LRRC37A2: variants seen among roughly 807,000 people sequenced by gnomAD.
The protein encoded by LRRC37A2 is leucine-rich repeat-containing protein 37A2.
LRRC37A2 carries 9 observed loss-of-function variants against 68.8 expected under a neutral mutation model. The observed-to-expected ratio is 0.13, with a 90% CI of 0.08 to 0.23. The LOEUF is 0.23. Ranked by LOEUF, LRRC37A2 falls within the 10% of genes least tolerant of loss-of-function variation. The pLI, the probability that LRRC37A2 is intolerant of heterozygous loss-of-function variation, is 1.00. For missense variants in LRRC37A2, 168 were observed against 950.4 expected (o/e 0.18, Z 10.82); for synonymous variants, 63 against 367.6 (o/e 0.17, Z 9.48).
the LRRC37A2 span, among the ~76,000 whole-genome samples, chr17:46,878,979 CT>C: frequency 6.6e-6 from 1 of 152,210 alleles, no homozygotes; most frequent in Non-Finnish European, 1.5e-5. Context: ...CCAGTTACCC[CT>C]GAAGACCCAC....
the LRRC37A2 span, chr17:47,017,694 C>G: frequency 6.2e-7 from 1 of 1,610,984 alleles, no homozygotes; most frequent in African/African-American, 1.3e-5. Flanking sequence ...TGGAATTATA[C>G]GCCAATTATC....
At chr17:46,823,250 T>C in the LRRC37A2 span, among the ~76,000 whole-genome samples, 1 of 144,448 alleles carries the variant, frequency 6.9e-6, no homozygotes, top group Admixed American at 7.4e-5. Context: ...ATTTCATTCT[T>C]GTTGCCCAGG....
chr17:46,817,312 T>C, the LRRC37A2 span, among the ~76,000 whole-genome samples: 2 of 152,258 alleles, frequency 1.3e-5, no homozygotes, highest in South Asian at 2.1e-4. Context: ...TTTCTGACTT[T>C]CACCCCGGGG....
At chr17:46,847,539 AGG>A in the LRRC37A2 span, among the ~76,000 whole-genome samples, 1 of 152,214 alleles carries the variant, frequency 6.6e-6, no homozygotes, top group East Asian at 1.9e-4. Flanking sequence ...CAAGAAGGCC[AGG>A]TCACCTGGAG....
At chr17:46,615,761 T>G in the LRRC37A2 span, among the ~76,000 whole-genome samples, 1 of 45,096 alleles carries the variant, frequency 2.2e-5, no homozygotes, top group Non-Finnish European at 4.1e-5. Flanking sequence ...CTGTATACAA[T>G]TCTGTGATAT....
the LRRC37A2 span, chr17:46,938,640 C>T: frequency 3.2e-5 from 52 of 1,614,146 alleles, 1 homozygote; most frequent in South Asian, 5.3e-4. Flanking sequence ...ACATGCTGGG[C>T]TTGTCCAACA....
At chr17:46,424,390 TTTG>T in the LRRC37A2 span, among the ~76,000 whole-genome samples, 2 of 113,704 alleles carry the variant, frequency 1.8e-5, no homozygotes, top group African/African-American at 5.9e-5. Context: ...TTGTGTACCT[TTTG>T]TTAAGATATC....
the LRRC37A2 span, chr17:46,755,341 T>C: frequency 1.2e-6 from 2 of 1,613,828 alleles, no homozygotes; most frequent in South Asian, 2.2e-5. Context: ...TGTGAGAAAA[T>C]TCTTGGCCCT....
At chr17:46,676,798 GA>G in the LRRC37A2 span, among the ~76,000 whole-genome samples, 5 of 34,048 alleles carry the variant, frequency 1.5e-4, no homozygotes, top group African/African-American at 7.6e-4. Context: ...TGTTAAGGAA[GA>G]AAAAAATTAG....
At chr17:46,416,960 T>A in the LRRC37A2 span, among the ~76,000 whole-genome samples, 1 of 113,458 alleles carries the variant, frequency 8.8e-6, no homozygotes, top group Non-Finnish European at 2.0e-5. Flanking sequence ...TCGCTGGGCA[T>A]GGTGGTGTGC....
chr17:46,848,363 T>G, the LRRC37A2 span, among the ~76,000 whole-genome samples: 1 of 152,188 alleles, frequency 6.6e-6, no homozygotes, highest in Non-Finnish European at 1.5e-5. Context: ...AAAACAACAC[T>G]TGTTTCCTGA....
the LRRC37A2 span, chr17:47,017,949 G>T: frequency 5.6e-6 from 9 of 1,599,652 alleles, no homozygotes; most frequent in East Asian, 1.8e-4. Context: ...CCTTGAGGAA[G>T]AACCTTCTTC....
chr17:46,879,788 C>T, the LRRC37A2 span, among the ~76,000 whole-genome samples: 1 of 152,224 alleles, frequency 6.6e-6, no homozygotes, highest in African/African-American at 2.4e-5. Flanking sequence ...AGTTCCTTCC[C>T]AGGCTGTGAT....
chr17:46,734,645 CA>C, the LRRC37A2 span, among the ~76,000 whole-genome samples: 1 of 152,042 alleles, frequency 6.6e-6, no homozygotes, highest in Admixed American at 6.6e-5. Flanking sequence ...GTATAGTGAT[CA>C]ACTAAGATAA....
the LRRC37A2 span, among the ~76,000 whole-genome samples, chr17:47,006,237 T>C: frequency 6.6e-6 from 1 of 152,146 alleles, no homozygotes; most frequent in Non-Finnish European, 1.5e-5. Flanking sequence ...ATTTTCCCAG[T>C]CCTGTCCTTC....
chr17:46,894,761 G>A, the LRRC37A2 span, among the ~76,000 whole-genome samples: 1 of 152,234 alleles, frequency 6.6e-6, no homozygotes, highest in African/African-American at 2.4e-5. Context: ...AGCTGCCCTC[G>A]GGCAGGACCC....
At chr17:46,779,104 C>CACACACACACACACACACACACACA in the LRRC37A2 span, among the ~76,000 whole-genome samples, 7 of 130,824 alleles carry the variant, frequency 5.4e-5, no homozygotes, top group Admixed American at 1.6e-4. Flanking sequence ...CACACACACA[C>CACACACACACACACACACACACACA]CCCAGCCCAC....
At chr17:46,926,572 T>A in the LRRC37A2 span, among the ~76,000 whole-genome samples, 2 of 152,218 alleles carry the variant, frequency 1.3e-5, no homozygotes, top group African/African-American at 4.8e-5. Context: ...TTTTTCCTCA[T>A]GTCCACGCTC....
At chr17:46,817,877 T>A in the LRRC37A2 span, among the ~76,000 whole-genome samples, 1 of 152,106 alleles carries the variant, frequency 6.6e-6, no homozygotes, top group South Asian at 2.1e-4. Context: ...AAGAAATGAA[T>A]AAAATCCGAA....
Sources: gnomAD v4.1 joint callset for allele counts (sites outside exome capture counted in the v4.1 genomes callset) on GRCh38, gnomAD v4.1.1 for gene constraint, MANE v1.5 for transcripts, NCBI Gene and HGNC (gene_info 2026-07-23, HGNC 2026-07-21) for gene names.